Variants in ITGA8 observed in about 807,000 individuals in gnomAD.
ITGA8 encodes the protein integrin subunit alpha 8.
Under a neutral mutation model 142.3 loss-of-function variants are expected in ITGA8, and 91 were observed. The ratio of observed to expected loss-of-function variants is 0.64; its 90% CI spans 0.54 to 0.76. The LOEUF is 0.76. Among genes scored for constraint, ITGA8 ranks in the 30% least tolerant of loss-of-function variants. ITGA8 has a pLI of 0.00. For missense variants in ITGA8, 1,406 were observed against 1,327.7 expected (o/e 1.06, Z -0.92); for synonymous variants, 505 against 485.2 (o/e 1.04, Z -0.54).
At chr10:15,656,851 C>T (rs1032214608) in intron 10 of ITGA8, among the ~76,000 whole-genome samples, 3 of 152,036 alleles carry the variant, frequency 2.0e-5, no homozygotes, top group Non-Finnish European at 4.4e-5. Context: ...ACATGCAATC[C>T]CTTAGAAAGC....
At chr10:15,685,547 A>G (rs1834819013) in intron 3 of ITGA8, among the ~76,000 whole-genome samples, 1 of 152,228 alleles carries the variant, frequency 6.6e-6, no homozygotes, top group Non-Finnish European at 1.5e-5. Context: ...TAATTTTACA[A>G]TACCAAATGA....
chr10:15,590,418 C>T (rs1832904501), intron 22 of ITGA8, among the ~76,000 whole-genome samples: 1 of 152,140 alleles, frequency 6.6e-6, no homozygotes, highest in African/African-American at 2.4e-5. Flanking sequence ...GTAACTTCAA[C>T]CAAGAGCGAG....
At chr10:15,624,091 C>A (rs1242799875) in intron 13 of ITGA8, among the ~76,000 whole-genome samples, 3 of 152,156 alleles carry the variant, frequency 2.0e-5, no homozygotes, top group African/African-American at 7.2e-5. Context: ...GCTTAGGGAA[C>A]CCTGAGGTTT....
intron 28 of ITGA8, among the ~76,000 whole-genome samples, chr10:15,527,183 AAC>A (rs1833191436): frequency 1.3e-5 from 2 of 152,346 alleles, no homozygotes; most frequent in East Asian, 3.9e-4. Context: ...ACAACATTTA[AAC>A]AGTTTCCTTA....
rs544140182 is a variant in ITGA8 at position 15,606,806 on chromosome 10, G to A, written c.1765-384C>T. Among the ~76,000 whole-genome samples, 14 of 152,262 alleles carry A rather than the reference G, an allele frequency of 9.2e-5. No individual in the cohort carries two copies. The South Asian group carries it at 2.7e-3, about 29-fold the overall frequency. On this transcript the variant is annotated intron_variant, in intron 17 of 29. Transcript: ENST00000378076. The stretch of plus-strand genomic sequence containing the variant: ...TTCGTGAGGTTGCCAGAATTTATGA[G>A]TTCTCTCTTGGGGCTCAGAAGAAGA...
intron 23 of ITGA8, among the ~76,000 whole-genome samples, chr10:15,584,977 C>T (rs1413694755): frequency 6.6e-6 from 1 of 151,974 alleles, no homozygotes; most frequent in Non-Finnish European, 1.5e-5. Flanking sequence ...TCACTTGAAC[C>T]CAGGAGGTGG....
intron 25 of ITGA8, among the ~76,000 whole-genome samples, chr10:15,564,872 G>A (rs539522192): frequency 4.6e-5 from 7 of 152,344 alleles, no homozygotes; most frequent in African/African-American, 1.7e-4. Flanking sequence ...CCGAAGTGGA[G>A]ACAAGCCCTG....
intron 20 of ITGA8, among the ~76,000 whole-genome samples, chr10:15,597,767 G>A (rs1035616292): frequency 2.6e-5 from 4 of 152,104 alleles, no homozygotes; most frequent in Non-Finnish European, 5.9e-5. Context: ...CCATGGTCCC[G>A]TTTTGAGATC....
intron 22 of ITGA8, among the ~76,000 whole-genome samples, chr10:15,587,645 C>G (rs1161670243): frequency 6.6e-6 from 1 of 151,830 alleles, no homozygotes; most frequent in East Asian, 1.9e-4. Context: ...GAATATAGAC[C>G]CAAGGAAGTT....
Position 15,627,519 on chromosome 10 carries a change from G to C in ITGA8, c.1400-10960C>G, listed in dbSNP as rs564896667. Among the ~76,000 whole-genome samples the C allele has an allele frequency of 9.6e-4, 146 of 152,244 alleles. 1 individual carries two copies. The highest frequency in any genetic ancestry group is 1.7e-3 in the Non-Finnish European group (119 of 68,014). On this transcript the variant is annotated intron_variant, in intron 13 of 29. Coordinates refer to ENST00000378076, the MANE Select transcript of ITGA8 (RefSeq NM_003638.3). ...AAACGTCAGTAAGAAAATCTAAAAGGGTTGGCATATAGAAAGAAGAGCATC... is the reference window on the plus strand; with the variant it reads ...AAACGTCAGTAAGAAAATCTAAAAGCGTTGGCATATAGAAAGAAGAGCATC...
intron 20 of ITGA8, among the ~76,000 whole-genome samples, chr10:15,598,855 G>A (rs1475523846): frequency 1.3e-5 from 2 of 152,254 alleles, no homozygotes; most frequent in East Asian, 1.9e-4. Context: ...CGTCGGATGA[G>A]CTAAAAAACA....
intron 13 of ITGA8, among the ~76,000 whole-genome samples, chr10:15,642,439 GC>G (rs1833888101): frequency 6.6e-6 from 1 of 152,116 alleles, no homozygotes; most frequent in Non-Finnish European, 1.5e-5. Flanking sequence ...ATAATAAATA[GC>G]AGTAACTTTC....
At chr10:15,559,490 A>G (rs1032457365) in intron 25 of ITGA8, among the ~76,000 whole-genome samples, 3 of 152,212 alleles carry the variant, frequency 2.0e-5, no homozygotes, top group Non-Finnish European at 4.4e-5. Flanking sequence ...CTGGAGAGGA[A>G]AGCTAAGGCA....
chr10:15,671,686 T>C (rs1283962099), intron 7 of ITGA8, 39 bp from the exon 8 acceptor site: 4 of 1,510,330 alleles, frequency 2.6e-6, no homozygotes, highest in Non-Finnish European at 3.7e-6. Flanking sequence ...TCACACTTAA[T>C]GACTTAACCT....
At chr10:15,616,588 G>A in intron 13 of ITGA8, 29 bp from the exon 14 acceptor site, 1 of 1,595,566 alleles carries the variant, frequency 6.3e-7, no homozygotes, top group African/African-American at 1.3e-5. Context: ...CAGAACACAT[G>A]CGTGAATCGT....
At chr10:15,694,687 A>ATATATATATATG (rs1374885656) in intron 2 of ITGA8, among the ~76,000 whole-genome samples, 1 of 133,824 alleles carries the variant, frequency 7.5e-6, no homozygotes, top group Non-Finnish European at 1.6e-5. Flanking sequence ...ACATATATAT[A>ATATATATATATG]TATATATATA....
At chr10:15,712,921 C>T (rs11575603) in intron 2 of ITGA8, among the ~76,000 whole-genome samples, 23,361 of 152,294 alleles carry the variant, frequency 0.15, 1,841 homozygotes, top group South Asian at 0.21. Flanking sequence ...AGCCTGTTCC[C>T]TCACACAGAC....
At chr10:15,554,009 GT>G (rs1475775428) in intron 26 of ITGA8, among the ~76,000 whole-genome samples, 4 of 151,782 alleles carry the variant, frequency 2.6e-5, no homozygotes, top group African/African-American at 9.7e-5. Flanking sequence ...AAAAAAAAAA[GT>G]TATCCATATG....
At chr10:15,630,504 C>T (rs149867434) in intron 13 of ITGA8, among the ~76,000 whole-genome samples, 1 of 152,122 alleles carries the variant, frequency 6.6e-6, no homozygotes, top group East Asian at 1.9e-4. Flanking sequence ...CAAAGAATTG[C>T]ACACATGTGT....
Sources: allele counts gnomAD v4.1 joint callset (sites outside exome capture counted in the v4.1 genomes callset), GRCh38; gene constraint gnomAD v4.1.1; transcripts MANE v1.5; gene names NCBI Gene and HGNC (gene_info 2026-07-23, HGNC 2026-07-21).